TSPAN2: variants seen among roughly 807,000 people sequenced by gnomAD.
TSPAN2 encodes tetraspanin-2.
Under a neutral mutation model 33.3 loss-of-function variants are expected in TSPAN2, and 24 were observed. The ratio of observed to expected loss-of-function variants is 0.72; its 90% confidence interval spans 0.52 to 1.01. The LOEUF (loss-of-function observed/expected upper bound fraction) is 1.01. TSPAN2 is among the 50% of genes least tolerant of loss of function. TSPAN2 has a pLI of 0.00. For missense variants in TSPAN2, 278 were observed against 281.3 expected (o/e 0.99, Z 0.08); for synonymous variants, 114 against 104.5 (o/e 1.09, Z -0.56).
intron 1 of TSPAN2, among the ~76,000 whole-genome samples, chr1:115,076,209 G>A (rs142700883): frequency 2.0e-5 from 3 of 152,288 alleles, no homozygotes; most frequent in East Asian, 3.9e-4. Flanking sequence ...CAGCAGAGGC[G>A]AATTCCAGGC....
intron 1 of TSPAN2, among the ~76,000 whole-genome samples, chr1:115,075,531 T>G (rs776373395): frequency 5.3e-5 from 8 of 152,186 alleles, no homozygotes; most frequent in Non-Finnish European, 1.0e-4. Flanking sequence ...ATTCATGGAA[T>G]GCTCTGTGTT....
intron 2 of TSPAN2, among the ~76,000 whole-genome samples, chr1:115,067,911 A>G (rs1310158938): frequency 6.6e-6 from 1 of 152,208 alleles, no homozygotes; most frequent in African/African-American, 2.4e-5. Flanking sequence ...CCCACTCCAG[A>G]GAGGGACTGT....
intron 7 of TSPAN2, among the ~76,000 whole-genome samples, chr1:115,052,438 C>A (rs1557875191): frequency 2.0e-5 from 3 of 152,194 alleles, no homozygotes; most frequent in Non-Finnish European, 4.4e-5. Flanking sequence ...CTTTAACCCG[C>A]CTTCCAAATC....
intron 1 of TSPAN2, among the ~76,000 whole-genome samples, chr1:115,078,379 G>C (rs988791184): frequency 6.6e-6 from 1 of 152,132 alleles, no homozygotes; most frequent in African/African-American, 2.4e-5. Context: ...TTTGCTAAAT[G>C]AGTGAATGGA....
chr1:115,066,316 A>G (rs1389542375), intron 2 of TSPAN2, among the ~76,000 whole-genome samples: 5 of 152,224 alleles, frequency 3.3e-5, no homozygotes, highest in Non-Finnish European at 7.3e-5. Flanking sequence ...AGGAACTGCC[A>G]TACTGTTCTC....
intron 2 of TSPAN2, among the ~76,000 whole-genome samples, chr1:115,063,692 T>C (rs1338761479): frequency 6.6e-6 from 1 of 152,200 alleles, no homozygotes; most frequent in African/African-American, 2.4e-5. Context: ...AAAGAAAATG[T>C]GGTACATATA....
At chr1:115,087,135 T>C (rs1648865043) in intron 1 of TSPAN2, among the ~76,000 whole-genome samples, 2 of 151,774 alleles carry the variant, frequency 1.3e-5, no homozygotes, top group South Asian at 2.1e-4. Flanking sequence ...GCCAGGCTGG[T>C]CTCGAACTCC....
chr1:115,058,611 G>A (rs1316999628), intron 5 of TSPAN2, among the ~76,000 whole-genome samples: 4 of 152,190 alleles, frequency 2.6e-5, no homozygotes, highest in African/African-American at 4.8e-5. Context: ...TCCTTTCTCT[G>A]TAACCTTGTT....
intron 1 of TSPAN2, among the ~76,000 whole-genome samples, chr1:115,081,713 A>G (rs980735097): frequency 6.6e-6 from 1 of 152,238 alleles, no homozygotes; most frequent in Non-Finnish European, 1.5e-5. Context: ...CATGTTACAC[A>G]CTGAGAACAG....
At chr1:115,077,334 A>T (rs1258979052) in intron 1 of TSPAN2, among the ~76,000 whole-genome samples, 2 of 9,852 alleles carry the variant, frequency 2.0e-4, no homozygotes, top group African/African-American at 4.7e-4. Flanking sequence ...AAAATACTTA[A>T]AAAAAAAAAA....
At chr1:115,065,574 C>A (rs1010979028) in intron 2 of TSPAN2, among the ~76,000 whole-genome samples, 8 of 152,080 alleles carry the variant, frequency 5.3e-5, no homozygotes, top group Non-Finnish European at 2.9e-5. Flanking sequence ...CCTGGGACAC[C>A]TTCATTTTTA....
rs1647474349 is a variant in TSPAN2 at position 115,057,407 on chromosome 1, T to C, written c.516+130A>G. 9.2e-6 allele frequency: 8 copies of C among 865,988 alleles called. No individual in the cohort carries two copies. In the Admixed American group the frequency reaches 9.6e-5, roughly 10 times the overall value. The allele number at this position is 865,988 out of a possible 1,614,324, so 53.6% of individuals were successfully genotyped here. On this transcript the variant is annotated intron_variant, in intron 6 of 7. Coordinates refer to ENST00000369516, the MANE Select transcript of TSPAN2 (RefSeq NM_005725.6). ...TCAGCTCAACGCTATTCATTTTCCA[T>C]CAATCCTCTATGCTGCCACTAGAGC...
Position 115,058,924 on chromosome 1 carries a change from T to C in TSPAN2, c.403A>G (p.Arg135Gly). 2 of 1,614,136 alleles carry C rather than the reference T, an allele frequency of 1.2e-6. No homozygotes were observed. Among genetic ancestry groups the C allele is most frequent in the East Asian group, 2.2e-5 (1 of 44,880 alleles). Reference protein sequence around the residue: ...EEAYNDYLKDRGKGNGTLITF... With the variant: ...EEAYNDYLKDGGKGNGTLITF... Reference sequence around the variant, plus strand: ...ATGAGTGTCCCATTGCCTTTTCCCCTGTCTTTAAGGTAATCATTGTAAGCC... The same window carrying C: ...ATGAGTGTCCCATTGCCTTTTCCCCCGTCTTTAAGGTAATCATTGTAAGCC... Residue 135 changes from arginine (R) to glycine (G), a missense_variant, in exon 5 of 8, where the codon AGG becomes GGG. Physicochemically the swap from Arg to Gly is moderately radical, Grantham distance 125. Coordinates refer to ENST00000369516, the MANE Select transcript of TSPAN2 (RefSeq NM_005725.6).
At chr1:115,087,873 C>T (rs950786156) in intron 1 of TSPAN2, among the ~76,000 whole-genome samples, 1 of 152,148 alleles carries the variant, frequency 6.6e-6, no homozygotes, top group Non-Finnish European at 1.5e-5. Flanking sequence ...AAGGCTGGTA[C>T]AATATCAGCC....
chr1:115,070,440 A>C (rs1648123053), intron 2 of TSPAN2, among the ~76,000 whole-genome samples: 1 of 151,102 alleles, frequency 6.6e-6, no homozygotes, highest in South Asian at 2.1e-4. Flanking sequence ...ATCTCTTTAA[A>C]GTACAGTGCA....
chr1:115,062,261 T>A (rs1409211761), intron 2 of TSPAN2, 29 bp from the exon 3 acceptor site: 1 of 1,553,952 alleles, frequency 6.4e-7, no homozygotes, highest in South Asian at 1.2e-5. Context: ...AGGAGACCAC[T>A]GAGAGCCAAC....
rs1675227848 is a variant in TSPAN2 at position 115,048,679 on chromosome 1, G to A, written c.*1811C>T. On this transcript the variant is annotated 3_prime_UTR_variant, in exon 8 of 8. Coordinates refer to ENST00000369516, the MANE Select transcript of TSPAN2 (RefSeq NM_005725.6). ...TCTTCAGGCAGAGAGATAAACTAAA[G>A]CTAAGAGAGATGGACTGCCTGTTCT... The A allele has an allele frequency of 6.6e-6, 1 of 152,004 alleles. No homozygotes were observed. The highest frequency in any genetic ancestry group is 1.5e-5 in the Non-Finnish European group (1 of 67,936). The allele number at this position is 152,004 out of a possible 1,614,324, so 9.4% of individuals were successfully genotyped here.
At chr1:115,053,506 T>C in intron 6 of TSPAN2, 44 bp from the exon 7 acceptor site, 1 of 1,497,752 alleles carries the variant, frequency 6.7e-7, no homozygotes, top group East Asian at 2.3e-5. Context: ...TGATTGTATG[T>C]GTCAGTCATT....
At chr1:115,089,312 G>GGCCCCCCCCC in intron 1 of TSPAN2, 52 bp downstream of exon 1, 1 of 1,389,176 alleles carries the variant, frequency 7.2e-7, no homozygotes, top group Non-Finnish European at 9.8e-7. Context: ...CCGGCCCCGC[G>GGCCCCCCCCC]CCCGCCACCC....
Sources: allele counts gnomAD v4.1 joint callset (sites outside exome capture counted in the v4.1 genomes callset), GRCh38; gene constraint gnomAD v4.1.1; transcripts MANE v1.5; gene names NCBI Gene and HGNC (gene_info 2026-07-23, HGNC 2026-07-21).